Variants in MYT1L observed in about 807,000 individuals in gnomAD.
MYT1L encodes the protein myelin transcription factor 1-like protein.
MYT1L carries 12 observed loss-of-function variants against 126.7 expected under a neutral mutation model. That is an observed-to-expected ratio of 0.09 (90% CI 0.06 to 0.15). The LOEUF (loss-of-function observed/expected upper bound fraction) is 0.15. Ranked by LOEUF, MYT1L falls within the 10% of genes least tolerant of loss-of-function variation. The pLI is 1.00. For synonymous variants in MYT1L, 541 were observed against 604.2 expected (o/e 0.90, Z 1.53); for missense variants, 979 against 1,585.2 (o/e 0.62, Z 6.49).
At chr2:2,156,174 TG>T (rs2086698444) in intron 3 of MYT1L, among the ~76,000 whole-genome samples, 1 of 152,204 alleles carries the variant, frequency 6.6e-6, no homozygotes, top group Non-Finnish European at 1.5e-5. Flanking sequence ...ACCTAAAATT[TG>T]GAATATCCCG....
chr2:1,943,364 G>T lies in MYT1L; in HGVS notation c.153-30C>A. The T allele has an allele frequency of 6.7e-7, 1 of 1,498,782 alleles. No individual in the cohort carries two copies. 92.8% of individuals were successfully genotyped at this position (1,498,782 alleles called of 1,614,324 possible). A position where few individuals can be genotyped will look rare whatever the true frequency, so the allele number is the denominator to read the frequency against. On this transcript the variant is annotated intron_variant, in intron 8 of 24. Coordinates refer to ENST00000647738, the MANE Select transcript of MYT1L (RefSeq NM_001303052.2). The surrounding 1 kb of genome is among the most constrained non-coding windows in gnomAD (Gnocchi z 4.4). ...TTAAAAAAATAGAGAAGGCAGGGGAGAGAGAGAAAAAAAATATCTGTGTTA... is the reference window on the plus strand; with the variant it reads ...TTAAAAAAATAGAGAAGGCAGGGGATAGAGAGAAAAAAAATATCTGTGTTA...
chr2:2,037,276 G>T (rs1417895350), intron 4 of MYT1L, among the ~76,000 whole-genome samples: 1 of 152,142 alleles, frequency 6.6e-6, no homozygotes, highest in Admixed American at 6.6e-5. Context: ...TACGGTAACT[G>T]GGAAAGTGCC....
chr2:2,128,132 G>A (rs1559090749), intron 3 of MYT1L, among the ~76,000 whole-genome samples: 1 of 152,108 alleles, frequency 6.6e-6, no homozygotes, highest in Non-Finnish European at 1.5e-5. Flanking sequence ...CTCTGAGATC[G>A]CTTCTAAACC....
At chr2:2,271,685 G>T (rs1432729157) in intron 2 of MYT1L, among the ~76,000 whole-genome samples, 3 of 152,152 alleles carry the variant, frequency 2.0e-5, no homozygotes, top group Non-Finnish European at 4.4e-5. Flanking sequence ...AGAAAGTTTG[G>T]TTTCTAGCGA....
chr2:1,977,491 A>C (rs1275151867), intron 8 of MYT1L, among the ~76,000 whole-genome samples: 1 of 152,188 alleles, frequency 6.6e-6, no homozygotes. Flanking sequence ...ACCTCATTAC[A>C]ACTTTTTATA....
At position 2,025,759 on chromosome 2, in the gene MYT1L, A is replaced by G. The variant is rs10519503; in HGVS notation, c.-158+28219T>C. ...AGAACACAGGGACATTAGCATACTC[A>G]TTTACATAAATTTACATATAACATT... On this transcript the variant is annotated intron_variant, in intron 4 of 24. Transcript: ENST00000647738. Among the ~76,000 whole-genome samples the G allele has an allele frequency of 6.9e-3, 1,051 of 152,324 alleles. 6 individuals carry two copies. Among genetic ancestry groups the G allele is most frequent in the South Asian group, 0.03 (143 of 4,822 alleles).
intron 18 of MYT1L, among the ~76,000 whole-genome samples, chr2:1,868,485 T>G (rs1000804078): frequency 6.6e-6 from 1 of 152,154 alleles, no homozygotes; most frequent in African/African-American, 2.4e-5. Flanking sequence ...GGGAAGGATC[T>G]TAGAGGATGA....
At chr2:2,042,112 G>A (rs1034320825) in intron 4 of MYT1L, among the ~76,000 whole-genome samples, 1 of 152,132 alleles carries the variant, frequency 6.6e-6, no homozygotes, top group Non-Finnish European at 1.5e-5. Context: ...CGAGGGGCTG[G>A]GCAGCTCAAA....
At chr2:2,156,118 T>A (rs951639577) in intron 3 of MYT1L, among the ~76,000 whole-genome samples, 3 of 152,244 alleles carry the variant, frequency 2.0e-5, no homozygotes, top group Non-Finnish European at 4.4e-5. Context: ...TAGTGTAAAG[T>A]GAGCTTGTAA....
Position 1,917,976 on chromosome 2 carries a change from G to C in MYT1L, c.1484-637C>G, listed in dbSNP as rs1432042804. On this transcript the variant is annotated intron_variant, in intron 10 of 24. Coordinates refer to ENST00000647738, the MANE Select transcript of MYT1L (RefSeq NM_001303052.2). The surrounding 1 kb of genome is among the most constrained non-coding windows in gnomAD (Gnocchi z 5.9). Reference sequence around the variant, plus strand: ...AAAGCCCACCTGACAGAGGTGACGGGTAATCAACATGTTTCAGAAGCCACG... The same window carrying C: ...AAAGCCCACCTGACAGAGGTGACGGCTAATCAACATGTTTCAGAAGCCACG... Among the ~76,000 whole-genome samples the C allele has an allele frequency of 6.6e-6, 1 of 152,170 alleles. No individual in the cohort carries two copies. Among genetic ancestry groups the C allele is most frequent in the Non-Finnish European group, 1.5e-5 (1 of 68,034 alleles).
intron 19 of MYT1L, among the ~76,000 whole-genome samples, chr2:1,851,276 T>G (rs2043229320): frequency 6.6e-6 from 1 of 152,210 alleles, no homozygotes; most frequent in Non-Finnish European, 1.5e-5. Flanking sequence ...CAACTCTCAG[T>G]GGCATTAGAA....
At chr2:2,266,349 A>G (rs1389218237) in intron 2 of MYT1L, among the ~76,000 whole-genome samples, 3 of 152,210 alleles carry the variant, frequency 2.0e-5, no homozygotes, top group Non-Finnish European at 4.4e-5. Context: ...TTGCATCAGG[A>G]GCAGTGGCTG....
At chr2:2,267,754 G>A (rs542617238) in intron 2 of MYT1L, among the ~76,000 whole-genome samples, 29 of 152,128 alleles carry the variant, frequency 1.9e-4, no homozygotes, top group African/African-American at 6.8e-4. Context: ...GAAATATCCT[G>A]CAAGGAGGTG....
At chr2:2,007,044 G>A (rs1372234081) in intron 4 of MYT1L, among the ~76,000 whole-genome samples, 1 of 146,828 alleles carries the variant, frequency 6.8e-6, no homozygotes, top group Non-Finnish European at 1.5e-5. Flanking sequence ...TTTCATTGAA[G>A]ATATATATAT....
intron 4 of MYT1L, among the ~76,000 whole-genome samples, chr2:2,014,161 AT>A (rs570681596): frequency 3.3e-5 from 5 of 149,962 alleles, no homozygotes; most frequent in African/African-American, 9.8e-5. Flanking sequence ...TTATTATTTC[AT>A]TTTTTTTCCT....
intron 3 of MYT1L, among the ~76,000 whole-genome samples, chr2:2,110,660 T>A (rs920660431): frequency 1.3e-5 from 2 of 150,942 alleles, no homozygotes; most frequent in African/African-American, 4.9e-5. Flanking sequence ...CCACCCTGTC[T>A]GGTACTTTTC....
intron 22 of MYT1L, among the ~76,000 whole-genome samples, chr2:1,802,628 G>A (rs2035051750): frequency 6.6e-6 from 1 of 152,178 alleles, no homozygotes; most frequent in African/African-American, 2.4e-5. Context: ...ATCAGTCCTG[G>A]CATAGCTGGG....
intron 4 of MYT1L, among the ~76,000 whole-genome samples, chr2:2,004,824 C>G (rs926694674): frequency 1.3e-5 from 2 of 150,354 alleles, no homozygotes; most frequent in East Asian, 4.0e-4. Context: ...GCATTCTTTC[C>G]TGCATGTGTT....
At chr2:2,105,345 C>T (rs1035609613) in intron 3 of MYT1L, among the ~76,000 whole-genome samples, 2 of 152,192 alleles carry the variant, frequency 1.3e-5, no homozygotes, top group African/African-American at 4.8e-5. Context: ...ACACTAGCAA[C>T]TGCCATGACT....
Sources: allele counts gnomAD v4.1 joint callset (sites outside exome capture counted in the v4.1 genomes callset), GRCh38; gene constraint gnomAD v4.1.1; non-coding constraint Gnocchi (gnomAD v3.1); transcripts MANE v1.5; gene names NCBI Gene and HGNC (gene_info 2026-07-23, HGNC 2026-07-21).